PLCG2: variants seen among roughly 807,000 people sequenced by gnomAD.
The protein encoded by PLCG2 is phospholipase C gamma 2.
PLCG2 carries 69 observed loss-of-function variants against 175.6 expected under a neutral mutation model. The ratio of observed to expected loss-of-function variants is 0.39; its 90% CI spans 0.32 to 0.48. The LOEUF is 0.48. Ranked by LOEUF, PLCG2 falls within the 20% of genes least tolerant of loss-of-function variation. The pLI is 0.91. For synonymous variants in PLCG2, 827 were observed against 624.0 expected, an observed-to-expected ratio of 1.33 and a Z score of -4.85; for missense variants, 1,798 against 1,650.9, an observed-to-expected ratio of 1.09 and a Z score of -1.54.
intron 30 of PLCG2, among the ~76,000 whole-genome samples, chr16:81,941,702 C>T (rs931275233): frequency 7.1e-6 from 1 of 140,560 alleles, no homozygotes; most frequent in Non-Finnish European, 1.5e-5. Context: ...GTAAACTCCC[C>T]CTTTTTTTTT....
intron 2 of PLCG2, among the ~76,000 whole-genome samples, chr16:81,789,849 C>CG (rs201753773): frequency 2.0e-5 from 3 of 151,648 alleles, no homozygotes; most frequent in Admixed American, 1.3e-4. Context: ...CCTTTGCCCC[C>CG]CCTCCATTGC....
chr16:81,955,612 C>T (rs1474649603), intron 31 of PLCG2, among the ~76,000 whole-genome samples: 1 of 152,218 alleles, frequency 6.6e-6, no homozygotes. Context: ...TGTGCTCACT[C>T]AGTGGCTGTT....
At chr16:81,951,747 G>C (rs145504209) in intron 31 of PLCG2, among the ~76,000 whole-genome samples, 3 of 152,262 alleles carry the variant, frequency 2.0e-5, no homozygotes, top group Non-Finnish European at 4.4e-5. Context: ...ATTTATTCTG[G>C]AATGCAAGGA....
intron 7 of PLCG2, among the ~76,000 whole-genome samples, chr16:81,877,214 G>T (rs1907835312): frequency 6.6e-6 from 1 of 152,208 alleles, no homozygotes; most frequent in Non-Finnish European, 1.5e-5. Context: ...CAGCACTTTG[G>T]GAGGCCAAGG....
At chr16:81,820,138 T>C (rs1398169432) in intron 2 of PLCG2, among the ~76,000 whole-genome samples, 2 of 152,344 alleles carry the variant, frequency 1.3e-5, no homozygotes, top group East Asian at 3.9e-4. Context: ...CTTTTTAAAA[T>C]GAACTTTATT....
At chr16:81,823,351 G>A (rs896467147) in intron 2 of PLCG2, among the ~76,000 whole-genome samples, 8 of 152,154 alleles carry the variant, frequency 5.3e-5, no homozygotes, top group African/African-American at 1.2e-4. Flanking sequence ...CTGCTTGCTC[G>A]CAGAGGCCAG....
intron 8 of PLCG2, among the ~76,000 whole-genome samples, chr16:81,882,616 G>T (rs146517508): frequency 6.6e-6 from 1 of 151,946 alleles, no homozygotes; most frequent in East Asian, 1.9e-4. Flanking sequence ...CCCTCCCTCT[G>T]GCCTGCGTTC....
intron 1 of PLCG2, among the ~76,000 whole-genome samples, chr16:81,741,747 G>GT (rs745317538): frequency 2.0e-5 from 3 of 152,132 alleles, no homozygotes; most frequent in Non-Finnish European, 4.4e-5. Context: ...GGAGGCAGAG[G>GT]TTGCAGTGAG....
chr16:81,801,794 C>G (rs1911732255), intron 2 of PLCG2, among the ~76,000 whole-genome samples: 3 of 151,988 alleles, frequency 2.0e-5, no homozygotes, highest in African/African-American at 4.8e-5. Context: ...GATTCTCTTG[C>G]TTCAGCTTCC....
chr16:81,784,585 CCAGGGACT>C (rs1371732744), intron 1 of PLCG2, among the ~76,000 whole-genome samples: 2 of 152,090 alleles, frequency 1.3e-5, no homozygotes, highest in African/African-American at 4.8e-5. Context: ...CCAGGCACCT[CCAGGGACT>C]TGGAGGGAAA....
rs141549335 is a variant in PLCG2 at position 81,945,722 on chromosome 16, G to A, written c.3482-453G>A. Among the ~76,000 whole-genome samples the A allele has an allele frequency of 2.0e-5, 3 of 152,292 alleles. No individual in the cohort carries two copies. In the East Asian group the frequency reaches 5.8e-4, roughly 29 times the overall value. ...TCAATACTGCTATGAACTACTAAGG[G>A]ACAGAAAGATTTCCTCCCATTGGAA... On this transcript the variant is annotated intron_variant, in intron 30 of 32. Transcript: ENST00000564138.
At chr16:81,874,707 T>A (rs941586312) in intron 7 of PLCG2, among the ~76,000 whole-genome samples, 1 of 152,172 alleles carries the variant, frequency 6.6e-6, no homozygotes, top group African/African-American at 2.4e-5. Context: ...AGCAGCCAAA[T>A]GGTTTCCATC....
intron 2 of PLCG2, among the ~76,000 whole-genome samples, chr16:81,797,149 A>G (rs1253220214): frequency 6.6e-6 from 1 of 152,190 alleles, no homozygotes; most frequent in Non-Finnish European, 1.5e-5. Context: ...TTGTCCCTCA[A>G]AATAGCACCA....
chr16:81,783,951 C>CT (rs1163353101), intron 1 of PLCG2, among the ~76,000 whole-genome samples: 1 of 152,148 alleles, frequency 6.6e-6, no homozygotes, highest in Non-Finnish European at 1.5e-5. Context: ...CCCCTGAAAG[C>CT]TTTTTCTGAG....
At chr16:81,860,663 T>A (rs946488906) in intron 5 of PLCG2, among the ~76,000 whole-genome samples, 9 of 152,126 alleles carry the variant, frequency 5.9e-5, no homozygotes, top group African/African-American at 2.2e-4. Flanking sequence ...CAGCTCTTGA[T>A]AATGTAATGA....
chr16:81,903,873 G>A (rs138607110), intron 14 of PLCG2, among the ~76,000 whole-genome samples: 82 of 152,252 alleles, frequency 5.4e-4, no homozygotes, highest in Admixed American at 8.5e-4. Flanking sequence ...CACCTGATAC[G>A]CTGTGGCCCA....
intron 5 of PLCG2, among the ~76,000 whole-genome samples, chr16:81,866,394 C>T (rs113268178): frequency 1.2e-4 from 12 of 103,900 alleles, no homozygotes; most frequent in South Asian, 4.0e-4. Context: ...CATGAGAGGA[C>T]GCTGGCCTCT....
intron 2 of PLCG2, among the ~76,000 whole-genome samples, chr16:81,822,080 G>T (rs1347868045): frequency 1.3e-5 from 2 of 152,148 alleles, no homozygotes; most frequent in African/African-American, 4.8e-5. Context: ...CTGCAAATAG[G>T]GAGTGTCTTT....
intron 31 of PLCG2, among the ~76,000 whole-genome samples, 161 bp from the exon 32 acceptor site, chr16:81,956,534 T>A (rs1911576161): frequency 6.6e-6 from 1 of 152,224 alleles, no homozygotes; most frequent in Admixed American, 6.5e-5. Flanking sequence ...TTGTGTTTTA[T>A]CTTTCTTTGG....
Sources: allele counts gnomAD v4.1 joint callset (sites outside exome capture counted in the v4.1 genomes callset), GRCh38; gene constraint gnomAD v4.1.1; transcripts MANE v1.5; gene names NCBI Gene and HGNC (gene_info 2026-07-23, HGNC 2026-07-21).